Variants in FOXJ3 observed in about 807,000 individuals in gnomAD.
The protein encoded by FOXJ3 is forkhead box protein J3.
In FOXJ3, 22 loss-of-function variants were observed where a neutral mutation model predicts 76.1. That is an observed-to-expected ratio of 0.29 (90% CI 0.21 to 0.41). The LOEUF (loss-of-function observed/expected upper bound fraction) is 0.41, where lower values mean the gene tolerates loss of function less well. Ranked by LOEUF, FOXJ3 falls within the 10% of genes least tolerant of loss-of-function variation. The pLI, the probability that FOXJ3 is intolerant of heterozygous loss-of-function variation, is 1.00. For missense variants in FOXJ3, 613 were observed against 762.1 expected (o/e 0.80, Z 2.30); for synonymous variants, 269 against 261.2 (o/e 1.03, Z -0.29).
chr1:42,229,612 G>A (rs912220218), intron 4 of FOXJ3, among the ~76,000 whole-genome samples: 2 of 152,102 alleles, frequency 1.3e-5, no homozygotes, highest in African/African-American at 4.8e-5. Flanking sequence ...TTTCAAAACG[G>A]TCACTACATT....
At chr1:42,319,077 A>G (rs547358443) in intron 1 of FOXJ3, among the ~76,000 whole-genome samples, 2 of 152,284 alleles carry the variant, frequency 1.3e-5, no homozygotes, top group Admixed American at 1.3e-4. Context: ...AAAAAATACA[A>G]AAATTAGCTA....
intron 8 of FOXJ3, among the ~76,000 whole-genome samples, chr1:42,192,457 A>G (rs1646567826): frequency 6.6e-6 from 1 of 152,236 alleles, no homozygotes; most frequent in African/African-American, 2.4e-5. Flanking sequence ...GTTAGTTTTT[A>G]AAAGAAACTA....
intron 5 of FOXJ3, among the ~76,000 whole-genome samples, chr1:42,209,042 G>A (rs1201226667): frequency 6.6e-6 from 1 of 152,112 alleles, no homozygotes; most frequent in East Asian, 1.9e-4. Context: ...AAAATTGTAA[G>A]CCAAAACATT....
At chr1:42,217,273 G>A (rs1392186968) in intron 5 of FOXJ3, among the ~76,000 whole-genome samples, 1 of 152,176 alleles carries the variant, frequency 6.6e-6, no homozygotes, top group East Asian at 1.9e-4. Context: ...GCTCACTCCT[G>A]TAATCCCAGC....
chr1:42,276,233 G>A (rs1652248768), intron 3 of FOXJ3, among the ~76,000 whole-genome samples: 1 of 152,028 alleles, frequency 6.6e-6, no homozygotes, highest in African/African-American at 2.4e-5. Flanking sequence ...GTGGGCGCCT[G>A]TAATCCCAGC....
rs1646269669 is a variant in FOXJ3 at position 42,179,163 on chromosome 1, T to A, written c.*547A>T. On this transcript the variant is annotated 3_prime_UTR_variant, in exon 13 of 13. Transcript: ENST00000361346. ...TATTAGATAGAATTCATTACCCACATTTCTAAAAAAGATTAAATAAGGGGA... is the reference window on the plus strand; with the variant it reads ...TATTAGATAGAATTCATTACCCACAATTCTAAAAAAGATTAAATAAGGGGA... 1 of 152,608 alleles carries A rather than the reference T, an allele frequency of 6.6e-6. No individual in the cohort carries two copies. The highest frequency in any genetic ancestry group is 1.5e-5 in the Non-Finnish European group (1 of 68,054). 9.5% of individuals were successfully genotyped at this position (152,608 alleles called of 1,614,324 possible).
chr1:42,320,688 A>T (rs1557723391), intron 1 of FOXJ3, among the ~76,000 whole-genome samples: 1 of 152,222 alleles, frequency 6.6e-6, no homozygotes, highest in Admixed American at 6.5e-5. Context: ...ATATGTTTAA[A>T]TCACCTTTAT....
intron 12 of FOXJ3, among the ~76,000 whole-genome samples, chr1:42,181,600 C>G (rs1478730802): frequency 6.6e-6 from 1 of 152,190 alleles, no homozygotes; most frequent in Non-Finnish European, 1.5e-5. Flanking sequence ...TCAGGTCCTA[C>G]AGTCCAAACT....
At chr1:42,296,086 C>A (rs1347001197) in intron 2 of FOXJ3, among the ~76,000 whole-genome samples, 1 of 152,120 alleles carries the variant, frequency 6.6e-6, no homozygotes, top group Non-Finnish European at 1.5e-5. Flanking sequence ...ATTTGCATTT[C>A]TCTGATGATT....
chr1:42,251,778 G>C (rs1438938011), intron 4 of FOXJ3, among the ~76,000 whole-genome samples: 3 of 143,994 alleles, frequency 2.1e-5, no homozygotes, highest in Non-Finnish European at 3.0e-5. Context: ...GAGTGCAGTG[G>C]CGCGATCTCG....
At chr1:42,300,016 T>C (rs1654036776) in intron 2 of FOXJ3, among the ~76,000 whole-genome samples, 1 of 151,836 alleles carries the variant, frequency 6.6e-6, no homozygotes, top group Non-Finnish European at 1.5e-5. Flanking sequence ...GCCTGGCCAA[T>C]ATGGTGAAAT....
rs1322633444 is a variant in FOXJ3 at position 42,316,333 on chromosome 1, C to CGTTTTTTTTTTTT, written c.-17-5224_-17-5223insAAAAAAAAAAAAC. On this transcript the variant is annotated intron_variant, in intron 1 of 12. Transcript: ENST00000361346. ...ACAGGTGCACACCACTGCATTGGGC[C>CGTTTTTTTTTTTT]TTTTTTTTTTTTTTTTCTGTAGAAA... Among the ~76,000 whole-genome samples the CGTTTTTTTTTTTT allele has an allele frequency of 3.4e-4, 25 of 73,908 alleles. 3 individuals carry two copies. The highest frequency in any genetic ancestry group is 1.1e-3 in the African/African-American group (25 of 23,032). The allele number at this position is 73,908 out of a possible 152,430, so 48.5% of individuals were successfully genotyped here.
chr1:42,312,132 C>T (rs1654851789), intron 1 of FOXJ3, among the ~76,000 whole-genome samples: 1 of 152,100 alleles, frequency 6.6e-6, no homozygotes, highest in Non-Finnish European at 1.5e-5. Context: ...TGTTGCTAGG[C>T]AGGAGTATTA....
chr1:42,232,275 T>G (rs990263507), intron 4 of FOXJ3, among the ~76,000 whole-genome samples: 2 of 148,240 alleles, frequency 1.3e-5, no homozygotes, highest in Non-Finnish European at 3.0e-5. Context: ...CATGTGTCTT[T>G]ATAGCAGCAT....
chr1:42,205,741 T>C (rs2124321096), intron 6 of FOXJ3, 21 bp downstream of exon 6: 1 of 1,320,326 alleles, frequency 7.6e-7, no homozygotes, highest in East Asian at 2.3e-5. Flanking sequence ...ATTTCAATAA[T>C]GTTTAAAAAA....
chr1:42,299,227 A>G (rs1287898360), intron 2 of FOXJ3, among the ~76,000 whole-genome samples: 3 of 152,174 alleles, frequency 2.0e-5, no homozygotes, highest in Non-Finnish European at 4.4e-5. Flanking sequence ...GTTCTCCACT[A>G]TTATTGTATT....
At chr1:42,306,551 C>A (rs980764985) in intron 2 of FOXJ3, among the ~76,000 whole-genome samples, 6 of 152,052 alleles carry the variant, frequency 3.9e-5, no homozygotes, top group Non-Finnish European at 1.5e-5. Context: ...ATCCGCCCAC[C>A]TTGGCCTCCC....
chr1:42,235,559 T>G (rs1648548175), intron 4 of FOXJ3, among the ~76,000 whole-genome samples: 2 of 144,612 alleles, frequency 1.4e-5, no homozygotes, highest in South Asian at 2.2e-4. Flanking sequence ...CGTTTTTTTT[T>G]GTGTTTTTTT....
chr1:42,198,959 A>T, intron 7 of FOXJ3, 143 bp downstream of exon 7: 1 of 630,830 alleles, frequency 1.6e-6, no homozygotes, highest in Non-Finnish European at 2.7e-6. Context: ...AATCTCCTCT[A>T]ATTTTGATCT....
Sources: allele counts gnomAD v4.1 joint callset (sites outside exome capture counted in the v4.1 genomes callset), GRCh38; gene constraint gnomAD v4.1.1; transcripts MANE v1.5; gene names NCBI Gene and HGNC (gene_info 2026-07-23, HGNC 2026-07-21).